STK3: variants seen among roughly 807,000 people sequenced by gnomAD.
The protein encoded by STK3 is serine/threonine-protein kinase 3.
Under a neutral mutation model 58.0 loss-of-function variants are expected in STK3, and 41 were observed. That is an observed-to-expected ratio of 0.71 (90% CI 0.55 to 0.92). STK3 has a LOEUF of 0.92. Ranked by LOEUF, STK3 falls within the 40% of genes least tolerant of loss-of-function variation. The pLI is 0.00. For synonymous variants in STK3, 170 were observed against 191.0 expected, an observed-to-expected ratio of 0.89 and a Z score of 0.91; for missense variants, 479 against 602.7, an observed-to-expected ratio of 0.79 and a Z score of 2.15.
intron 10 of STK3, among the ~76,000 whole-genome samples, chr8:98,496,993 A>G (rs73275817): frequency 0.018 from 2,694 of 152,274 alleles, 81 homozygotes; most frequent in African/African-American, 0.062. Flanking sequence ...TTTTAAAGCC[A>G]AAACAGTCTT....
intron 1 of STK3, among the ~76,000 whole-genome samples, chr8:98,920,368 G>C (rs922791295): frequency 1.3e-5 from 2 of 152,204 alleles, no homozygotes; most frequent in African/African-American, 4.8e-5. Flanking sequence ...GAAATTAGCA[G>C]TAATGAGACA....
At chr8:98,846,692 A>G (rs1325839422) in intron 3 of STK3, among the ~76,000 whole-genome samples, 2 of 152,152 alleles carry the variant, frequency 1.3e-5, no homozygotes, top group African/African-American at 4.8e-5. Flanking sequence ...CAATAAAAAG[A>G]TTCTAATTGG....
intron 10 of STK3, among the ~76,000 whole-genome samples, chr8:98,472,120 C>T (rs1275008878): frequency 2.6e-5 from 4 of 152,010 alleles, no homozygotes; most frequent in Non-Finnish European, 5.9e-5. Flanking sequence ...TTCAGAGGCA[C>T]CAAGAGTTTG....
intron 1 of STK3, among the ~76,000 whole-genome samples, chr8:98,782,957 C>T (rs1465852505): frequency 6.7e-6 from 1 of 149,834 alleles, no homozygotes; most frequent in East Asian, 2.0e-4. Flanking sequence ...AACCATAAAC[C>T]CACACAGATG....
chr8:98,506,116 T>A (rs1586732199), intron 10 of STK3, among the ~76,000 whole-genome samples: 1 of 152,094 alleles, frequency 6.6e-6, no homozygotes, highest in Non-Finnish European at 1.5e-5. Context: ...CGGATGCCCC[T>A]CCCCCTGCCA....
rs181198325 is a variant in STK3, at chr8:98,571,001, G to A, written c.948+8663C>T. ...ACTGACTTGGGCTAATTCTCCTGCT[G>A]TTCTTTTCTTTACCTAATTCAAAAG... is the stretch of plus-strand genomic sequence containing the variant. On this transcript the variant is annotated intron_variant, in intron 8 of 10. Transcript: ENST00000419617. 3.7e-4 allele frequency among the ~76,000 whole-genome samples: 56 copies of A among 152,272 alleles called. No individual in the cohort carries two copies. In the East Asian group the frequency reaches 0.011, roughly 29 times the overall value.
rs192406282 is a variant in STK3 at position 98,545,314 on chromosome 8, C to G, written c.1141+2655G>C. On this transcript the variant is annotated intron_variant, in intron 9 of 10. Transcript: ENST00000419617. ...ACTGTGAAGGATCTTGGTGACACAGCTGAAGCCTGGACATTCCATGGGGAA... is the reference window on the plus strand; with the variant it reads ...ACTGTGAAGGATCTTGGTGACACAGGTGAAGCCTGGACATTCCATGGGGAA... Among the ~76,000 whole-genome samples, 26 of 152,268 alleles carry G rather than the reference C, an allele frequency of 1.7e-4. No homozygotes were observed. In the East Asian group the frequency reaches 2.5e-3, roughly 15 times the overall value.
At chr8:98,399,946 C>T (rs1817927448), downstream of STK3, among the ~76,000 whole-genome samples, 1 of 152,186 alleles carries the variant, frequency 6.6e-6, no homozygotes, top group Non-Finnish European at 1.5e-5. Flanking sequence ...TATCACCACT[C>T]CACCTTCCAC....
At chr8:98,937,965 G>C (rs1000493362) in intron 1 of STK3, among the ~76,000 whole-genome samples, 1 of 152,130 alleles carries the variant, frequency 6.6e-6, no homozygotes, top group Non-Finnish European at 1.5e-5. Context: ...CCACATTCCT[G>C]ACCACTGTAA....
chr8:98,451,885 C>CAA (rs754984734), downstream of STK3, among the ~76,000 whole-genome samples: 470 of 74,374 alleles, frequency 6.3e-3, 1 homozygote, highest in African/African-American at 0.012. Flanking sequence ...TCTTTCAGGC[C>CAA]AAAAAAAAAA....
intron 9 of STK3, among the ~76,000 whole-genome samples, chr8:98,540,120 T>C (rs922629052): frequency 2.0e-5 from 3 of 152,208 alleles, no homozygotes; most frequent in Non-Finnish European, 4.4e-5. Context: ...CTCTGTTCAA[T>C]GTGCTCCAGT....
chr8:98,690,842 A>C (rs1824353776), intron 6 of STK3, among the ~76,000 whole-genome samples: 1 of 152,258 alleles, frequency 6.6e-6, no homozygotes, highest in Non-Finnish European at 1.5e-5. Context: ...CTGGTACAAA[A>C]ATAGACACAC....
rs1395956771 is a variant in STK3, at chr8:98,869,030, G to GGAAGGAAGGAAGGAAA, written c.110+14616_110+14617insTTTCCTTCCTTCCTTC. Among the ~76,000 whole-genome samples the GGAAGGAAGGAAGGAAA allele has an allele frequency of 7.5e-3, 552 of 73,376 alleles. 4 individuals carry two copies. Among genetic ancestry groups the GGAAGGAAGGAAGGAAA allele is most frequent in the African/African-American group, 0.013 (298 of 23,160 alleles). 48.1% of individuals were successfully genotyped at this position (73,376 alleles called of 152,430 possible). On this transcript the variant is annotated intron_variant, in intron 3 of 12. Transcript: ENST00000523601. ...AGAGAGAGAAAAAGGAAAGAAGGAA[G>GGAAGGAAGGAAGGAAA]GAAGGAAGGAAGGAAGGAAGGAAGG...
At chr8:98,920,295 C>T (rs2132005544) in intron 1 of STK3, among the ~76,000 whole-genome samples, 1 of 152,332 alleles carries the variant, frequency 6.6e-6, no homozygotes, top group Non-Finnish European at 1.5e-5. Context: ...GAATAGTCTT[C>T]ATGTGTAGAT....
chr8:98,856,917 C>T (rs1157279291), intron 3 of STK3, among the ~76,000 whole-genome samples: 2 of 152,004 alleles, frequency 1.3e-5, no homozygotes, highest in African/African-American at 4.8e-5. Context: ...CATAGATGAA[C>T]CTTGAAAACA....
chr8:98,792,363 G>C (rs2131584776), intron 1 of STK3, among the ~76,000 whole-genome samples: 1 of 152,286 alleles, frequency 6.6e-6, no homozygotes, highest in East Asian at 1.9e-4. Context: ...AATGTAACTA[G>C]TACAACCACT....
At chr8:98,933,062 C>T (rs1358813952) in intron 1 of STK3, among the ~76,000 whole-genome samples, 1 of 152,214 alleles carries the variant, frequency 6.6e-6, no homozygotes, top group Non-Finnish European at 1.5e-5. Flanking sequence ...ATTCCATGAT[C>T]CTAAATCCTC....
At chr8:98,597,298 A>G (rs1212677031) in intron 6 of STK3, 1 of 985,302 alleles carries the variant, frequency 1.0e-6, no homozygotes, top group Non-Finnish European at 1.2e-6. Flanking sequence ...CAAAGACTCA[A>G]TATCCAAGTC....
At chr8:98,669,302 C>T (rs1822625528) in intron 6 of STK3, among the ~76,000 whole-genome samples, 1 of 151,976 alleles carries the variant, frequency 6.6e-6, no homozygotes, top group African/African-American at 2.4e-5. Flanking sequence ...GCCCATTAAT[C>T]TTATCTTTTA....
Sources: allele counts gnomAD v4.1 joint callset (sites outside exome capture counted in the v4.1 genomes callset), GRCh38; gene constraint gnomAD v4.1.1; transcripts MANE v1.5; gene names NCBI Gene and HGNC (gene_info 2026-07-23, HGNC 2026-07-21).